Variants in ELP2 observed in about 807,000 individuals in gnomAD.
The protein encoded by ELP2 is elongator complex protein 2.
In ELP2, 90 loss-of-function variants were observed where a neutral mutation model predicts 119.2. That is an observed-to-expected ratio of 0.75 (90% confidence interval 0.64 to 0.90). The LOEUF (loss-of-function observed/expected upper bound fraction) is 0.90. Ranked by LOEUF, ELP2 falls within the 40% of genes least tolerant of loss-of-function variation. The probability of loss-of-function intolerance (pLI) is 0.00; values close to 1 mark genes in which losing one functional copy is unlikely to be tolerated. For missense variants in ELP2, 921 were observed against 967.8 expected, an observed-to-expected ratio of 0.95 and a Z score of 0.64; for synonymous variants, 339 against 331.0, an observed-to-expected ratio of 1.02 and a Z score of -0.26.
intron 11 of ELP2, among the ~76,000 whole-genome samples, chr18:36,151,742 GT>G (rs71166098): frequency 0.25 from 26,416 of 103,682 alleles, 1,851 homozygotes; most frequent in East Asian, 0.42. Context: ...GTTCTGTTCT[GT>G]TTTTTTTTTT....
In ELP2 at chr18:36,159,820, C is replaced by T. The variant is rs140458568; in HGVS notation, c.1620C>T (p.Ser540=). The stretch of plus-strand genomic sequence containing the variant: ...ATCAGCAGGTGGCCTTTCAGCCCTC[C>T]ATACTTACTGGTAAGATGTGACAAA... The part of the protein sequence containing the change: ...FEYQQVAFQP[S]ILTEPPTEDH... The change falls in exon 15 of 22, where the codon TCC becomes TCT. Residue 540 remains serine (S), a synonymous_variant. Coordinates refer to ENST00000358232, the MANE Select transcript of ELP2 (RefSeq NM_018255.4). The T allele has an allele frequency of 8.1e-6, 13 of 1,613,544 alleles. No individual in the cohort carries two copies. The African/African-American group carries it at 9.3e-5, about 12-fold the overall frequency.
intron 19 of ELP2, among the ~76,000 whole-genome samples, chr18:36,168,603 G>C (rs2090974765): frequency 6.6e-6 from 1 of 152,148 alleles, no homozygotes; most frequent in Admixed American, 6.5e-5. Context: ...ATCATGAGAA[G>C]AGCATGGAGG....
In ELP2 at chr18:36,174,557, A is replaced by C; in HGVS notation, c.2397A>C (p.Ala799=). The change falls in exon 22 of 22, where the codon GCA becomes GCC. Residue 799 remains alanine (A), a synonymous_variant. Coordinates refer to ENST00000358232, the MANE Select transcript of ELP2 (RefSeq NM_018255.4). The part of the protein sequence containing the change: ...NCSGKTEQKE[A]EGAEWLHFAS... ...GTGGAAAAACTGAACAGAAGGAAGC[A>C]GAAGGTGCTGAGTGGTTACACTTTG... is the stretch of plus-strand genomic sequence containing the variant. 1 of 1,614,202 alleles carries C rather than the reference A, an allele frequency of 6.2e-7. No individual in the cohort carries two copies. Among genetic ancestry groups the C allele is most frequent in the Non-Finnish European group, 8.5e-7 (1 of 1,180,018 alleles).
chr18:36,165,818 G>A (rs1397459870), intron 18 of ELP2, among the ~76,000 whole-genome samples: 1 of 152,096 alleles, frequency 6.6e-6, no homozygotes, highest in African/African-American at 2.4e-5. Context: ...GGAGGCAGAG[G>A]TTGCAGTGAG....
chr18:36,146,752 C>G (rs1299233785), intron 11 of ELP2, among the ~76,000 whole-genome samples: 1 of 152,072 alleles, frequency 6.6e-6, no homozygotes, highest in African/African-American at 2.4e-5. Context: ...TGGCTCTTCT[C>G]AGCAACTTGA....
In ELP2 at chr18:36,146,335, C is replaced by G. The variant is rs1163144270; in HGVS notation, c.1079C>G (p.Ala360Gly). The G allele has an allele frequency of 6.2e-7, 1 of 1,614,050 alleles. No individual in the cohort carries two copies. Among genetic ancestry groups the G allele is most frequent in the Non-Finnish European group, 8.5e-7 (1 of 1,179,910 alleles). The change falls in exon 11 of 22, where the codon GCT becomes GGT. Residue 360 changes from alanine to glycine, a missense_variant. Transcript: ENST00000358232. ...GATGGCTCCATGATCATTGCTCATGCTTTCCACGGAGCGTTGCACCTTTGG... is the reference window on the plus strand; with the variant it reads ...GATGGCTCCATGATCATTGCTCATGGTTTCCACGGAGCGTTGCACCTTTGG... The part of the protein sequence containing the change: ...NEDGSMIIAH[A>G]FHGALHLWKQ...
chr18:36,170,399 C>T (rs542870250), intron 20 of ELP2, among the ~76,000 whole-genome samples: 81 of 151,870 alleles, frequency 5.3e-4, no homozygotes, highest in African/African-American at 1.9e-3. Context: ...GCAACCTCTG[C>T]CTTCTGAGTT....
chr18:36,161,175 T>C (rs1035103907), intron 17 of ELP2, among the ~76,000 whole-genome samples, 171 bp downstream of exon 17: 22 of 152,212 alleles, frequency 1.4e-4, no homozygotes, highest in Non-Finnish European at 1.6e-4. Context: ...CAAAAGCTTA[T>C]GGTTTCATTT....
At chr18:36,139,739 G>C (rs1016864561) in intron 5 of ELP2, 2 of 716,382 alleles carry the variant, frequency 2.8e-6, no homozygotes, top group African/African-American at 3.6e-5. Flanking sequence ...TTATCTAGCA[G>C]AGTCATCAGG....
intron 3 of ELP2, 111 bp downstream of exon 3, chr18:36,136,488 T>A (rs976537525): frequency 1.2e-6 from 1 of 863,688 alleles, no homozygotes; most frequent in East Asian, 2.4e-5. Context: ...CGATCGTGGC[T>A]CACCTCAGCC....
intron 19 of ELP2, among the ~76,000 whole-genome samples, chr18:36,169,083 C>T (rs2090998703): frequency 6.6e-6 from 1 of 151,620 alleles, no homozygotes; most frequent in South Asian, 2.1e-4. Flanking sequence ...CACCACCATG[C>T]CCGGCTAATT....
intron 12 of ELP2, among the ~76,000 whole-genome samples, chr18:36,155,964 A>G (rs936952477): frequency 1.3e-5 from 2 of 152,174 alleles, no homozygotes; most frequent in African/African-American, 4.8e-5. Flanking sequence ...GTAGGGCTAT[A>G]GGTAGGGGGC....
chr18:36,158,394 C>T (rs1210601083), intron 13 of ELP2: 1 of 158,722 alleles, frequency 6.3e-6, no homozygotes, highest in African/African-American at 2.4e-5. Flanking sequence ...ATGACTAATG[C>T]TGTAACTGTT....
At chr18:36,140,597 T>C (rs1271465561) in intron 5 of ELP2, among the ~76,000 whole-genome samples, 1 of 152,198 alleles carries the variant, frequency 6.6e-6, no homozygotes, top group African/African-American at 2.4e-5. Flanking sequence ...TCTGCCCACC[T>C]CAGCCTCCCA....
chr18:36,170,051 T>C lies in ELP2; in HGVS notation c.2077-12T>C, dbSNP rs759494680. On this transcript the variant is annotated splice_polypyrimidine_tract_variant and intron_variant, in intron 19 of 21. Coordinates refer to ENST00000358232, the MANE Select transcript of ELP2 (RefSeq NM_018255.4). ...AGAGAAGGCTTTACAGTGTGTGATC[T>C]GTCTGTATTAGGTGGTTGTCTGGGG... The C allele has an allele frequency of 3.1e-6, 5 of 1,614,188 alleles. No individual in the cohort carries two copies. Among genetic ancestry groups the C allele is most frequent in the Admixed American group, 3.3e-5 (2 of 60,028 alleles).
At chr18:36,154,312 C>T (rs1487333274) in intron 11 of ELP2, among the ~76,000 whole-genome samples, 1 of 152,084 alleles carries the variant, frequency 6.6e-6, no homozygotes, top group African/African-American at 2.4e-5. Flanking sequence ...GGTGAACCAA[C>T]TAGGTTTGAT....
intron 17 of ELP2, among the ~76,000 whole-genome samples, chr18:36,162,893 T>C (rs1407542040): frequency 6.6e-6 from 1 of 152,210 alleles, no homozygotes; most frequent in African/African-American, 2.4e-5. Context: ...ATTAGATTGT[T>C]TTCTTACTGA....
intron 17 of ELP2, among the ~76,000 whole-genome samples, chr18:36,162,079 A>G (rs543316487): frequency 6.6e-6 from 1 of 152,160 alleles, no homozygotes; most frequent in African/African-American, 2.4e-5. Context: ...TATAAATGGT[A>G]TGTTTAATGT....
intron 8 of ELP2, among the ~76,000 whole-genome samples, chr18:36,144,561 A>G (rs1165360178): frequency 6.6e-6 from 1 of 152,224 alleles, no homozygotes; most frequent in African/African-American, 2.4e-5. Flanking sequence ...GAGCCAAACC[A>G]TATCAGTATT....
Sources: gnomAD v4.1 joint callset for allele counts (sites outside exome capture counted in the v4.1 genomes callset) on GRCh38, gnomAD v4.1.1 for gene constraint, MANE v1.5 for transcripts, NCBI Gene and HGNC (gene_info 2026-07-23, HGNC 2026-07-21) for gene names.